RBM6: variants seen among roughly 807,000 people sequenced by gnomAD.
The protein encoded by RBM6 is RNA-binding protein 6.
A neutral mutation model predicts 140.4 loss-of-function variants in RBM6; 23 were observed. That is an observed-to-expected ratio of 0.16 (90% CI 0.12 to 0.23). The LOEUF is 0.23. Among genes scored for constraint, RBM6 ranks in the 10% least tolerant of loss-of-function variants. The pLI is 1.00. For synonymous variants in RBM6, 439 were observed against 475.6 expected (o/e 0.92, Z 1.00); for missense variants, 1,139 against 1,386.7 (o/e 0.82, Z 2.84).
At chr3:49,945,264 A>G (rs1280052516) in intron 1 of RBM6, among the ~76,000 whole-genome samples, 1 of 148,966 alleles carries the variant, frequency 6.7e-6, no homozygotes, top group Non-Finnish European at 1.5e-5. Flanking sequence ...TGCAGCCCTG[A>G]CCTTCTCAGT....
chr3:50,016,504 G>GT lies in RBM6; in HGVS notation c.1557+17004dup, dbSNP rs34433151. ...AGATCATATGGTGATTCTCGTTTTA[G>GT]TTTTTTTTTTTTTAAGAACCTCCAT... On this transcript the variant is annotated intron_variant, in intron 6 of 20. Transcript: ENST00000266022. Among the ~76,000 whole-genome samples, 221 of 147,840 alleles carry GT rather than the reference G, an allele frequency of 1.5e-3. 2 individuals are homozygous for GT. The highest frequency in any genetic ancestry group is 3.3e-3 in the African/African-American group (133 of 40,216).
At chr3:49,965,229 A>G (rs757097735) in intron 2 of RBM6, among the ~76,000 whole-genome samples, 31 of 152,230 alleles carry the variant, frequency 2.0e-4, no homozygotes, top group Admixed American at 2.0e-3. Context: ...GTCAGAAAAC[A>G]TGTAGATTTC....
chr3:50,054,503 C>G lies in RBM6; in HGVS notation c.1693+108C>G, dbSNP rs943346520. Reference sequence around the variant, plus strand: ...TCATCCCTAAATCCAAGTTGATCTACAAACCTTTTTTTTTTTTTTTGAGAT... The same window carrying G: ...TCATCCCTAAATCCAAGTTGATCTAGAAACCTTTTTTTTTTTTTTTGAGAT... On this transcript the variant is annotated intron_variant, in intron 8 of 20. Coordinates refer to ENST00000266022, the MANE Select transcript of RBM6 (RefSeq NM_005777.3). 5.7e-6 allele frequency: 5 copies of G among 879,976 alleles called. No individual in the cohort carries two copies. The African/African-American group carries it at 8.6e-5, about 15-fold the overall frequency. 54.5% of individuals were successfully genotyped at this position (879,976 alleles called of 1,614,324 possible).
intron 5 of RBM6, among the ~76,000 whole-genome samples, chr3:49,986,459 G>A (rs145305754): frequency 0.012 from 1,777 of 151,688 alleles, 46 homozygotes; most frequent in African/African-American, 0.039. Context: ...GCCGGGCATG[G>A]TGGCGGGCTC....
intron 6 of RBM6, among the ~76,000 whole-genome samples, chr3:50,006,619 A>C (rs939400257): frequency 2.6e-5 from 4 of 152,002 alleles, no homozygotes; most frequent in African/African-American, 9.7e-5. Flanking sequence ...AAATAAGTTA[A>C]TGCATGTAAG....
At chr3:50,048,346 GAAGT>G (rs757529461) in intron 7 of RBM6, 27 bp downstream of exon 7, 3 of 1,603,620 alleles carry the variant, frequency 1.9e-6, no homozygotes, top group African/African-American at 1.3e-5. Context: ...CCTTTCTTTA[GAAGT>G]AAGTATCTGG....
intron 6 of RBM6, among the ~76,000 whole-genome samples, chr3:50,017,471 T>A (rs1241432952): frequency 2.0e-5 from 3 of 148,310 alleles, no homozygotes; most frequent in Non-Finnish European, 3.0e-5. Context: ...GGCAGGAGAA[T>A]GGCGTGAACC....
intron 5 of RBM6, among the ~76,000 whole-genome samples, chr3:49,980,079 C>A (rs2085238780): frequency 6.6e-6 from 1 of 151,990 alleles, no homozygotes; most frequent in South Asian, 2.1e-4. Context: ...CAGCTTACTG[C>A]AACCTCTGCC....
In RBM6 at chr3:49,967,568, C is replaced by T; in HGVS notation, c.143C>T (p.Pro48Leu). The change falls in exon 3 of 21, where the codon CCT (proline) becomes CTT (leucine). Residue 48 changes from proline to leucine, a missense_variant. Around this residue, in one of 9 missense-constraint regions of RBM6, gnomAD observed 566 missense variants for 612.7 expected, o/e 0.92. Transcript: ENST00000266022. This position sits in a 1 kb window ranked among gnomAD's most constrained non-coding sequence, Gnocchi z 4.0. The part of the protein sequence containing the change: ...HAQERHSGNF[P>L]GRDSLPFDFQ... ...CAAGAGAGACACTCTGGCAACTTTC[C>T]TGGCAGAGATTCACTTCCCTTTGAT... 1 of 1,614,158 alleles carries T rather than the reference C, an allele frequency of 6.2e-7. No individual in the cohort carries two copies. Among genetic ancestry groups the T allele is most frequent in the Non-Finnish European group, 8.5e-7 (1 of 1,180,026 alleles).
At chr3:49,961,263 A>G (rs957305573) in intron 1 of RBM6, among the ~76,000 whole-genome samples, 2 of 151,998 alleles carry the variant, frequency 1.3e-5, no homozygotes, top group African/African-American at 4.8e-5. Context: ...TTTTTAGTAG[A>G]GATGAGATTT....
At chr3:50,049,623 G>A (rs1006835127) in intron 7 of RBM6, among the ~76,000 whole-genome samples, 5 of 151,758 alleles carry the variant, frequency 3.3e-5, no homozygotes, top group African/African-American at 1.2e-4. Context: ...TGTTAGTCTC[G>A]GTAGAATACA....
chr3:49,958,545 C>T (rs1439666336), intron 1 of RBM6, among the ~76,000 whole-genome samples: 1 of 151,234 alleles, frequency 6.6e-6, no homozygotes, highest in Non-Finnish European at 1.5e-5. Flanking sequence ...CACTGCACTC[C>T]AGCCTGGGAG....
At chr3:49,971,303 G>T (rs1425365175) in intron 3 of RBM6, among the ~76,000 whole-genome samples, 1 of 149,436 alleles carries the variant, frequency 6.7e-6, no homozygotes. Context: ...AAACCAGCCA[G>T]GTGTGGAGGT....
intron 6 of RBM6, among the ~76,000 whole-genome samples, chr3:50,004,502 A>G (rs1451780782): frequency 1.5e-4 from 20 of 137,234 alleles, no homozygotes; most frequent in Non-Finnish European, 2.8e-4. Flanking sequence ...TTGTAGAGGC[A>G]GGGTTTTGCA....
chr3:50,059,198 T>A (rs2089840172), intron 10 of RBM6: 1 of 152,832 alleles, frequency 6.5e-6, no homozygotes, highest in South Asian at 2.1e-4. Context: ...GGTTTTATAT[T>A]TGATGATAAA....
At chr3:49,966,725 A>G (rs2084532648) in intron 2 of RBM6, among the ~76,000 whole-genome samples, 1 of 152,164 alleles carries the variant, frequency 6.6e-6, no homozygotes, top group South Asian at 2.1e-4. Context: ...TGCGTGGCTT[A>G]GATGACTTAT....
chr3:50,040,939 C>G (rs2088884207), intron 6 of RBM6, among the ~76,000 whole-genome samples: 1 of 152,080 alleles, frequency 6.6e-6, no homozygotes, highest in Non-Finnish European at 1.5e-5. Context: ...GCCACTGTGC[C>G]CAGCCGCAGA....
chr3:50,074,043 G>A (rs925933378), intron 19 of RBM6, among the ~76,000 whole-genome samples: 12 of 152,096 alleles, frequency 7.9e-5, no homozygotes, highest in Non-Finnish European at 1.6e-4. Flanking sequence ...TGGTCAGGGT[G>A]GTCTCGAACT....
chr3:50,007,513 C>A (rs1180606396), intron 6 of RBM6, among the ~76,000 whole-genome samples: 1 of 151,208 alleles, frequency 6.6e-6, no homozygotes, highest in Non-Finnish European at 1.5e-5. Context: ...GCTGCCTTAG[C>A]CTTCAAGAGA....
Sources: allele counts gnomAD v4.1 joint callset (sites outside exome capture counted in the v4.1 genomes callset), GRCh38; gene constraint gnomAD v4.1.1; regional missense constraint gnomAD v4.1.1; non-coding constraint Gnocchi (gnomAD v3.1); transcripts MANE v1.5; gene names NCBI Gene and HGNC (gene_info 2026-07-23, HGNC 2026-07-21).